Variants in ADGRL3 observed in about 807,000 individuals in gnomAD.
ADGRL3 encodes adhesion G protein-coupled receptor L3.
ADGRL3 carries 62 observed loss-of-function variants against 153.5 expected under a neutral mutation model. The ratio of observed to expected loss-of-function variants is 0.40; its 90% CI spans 0.33 to 0.50. ADGRL3 has a LOEUF of 0.50. ADGRL3 is among the 20% of genes least tolerant of loss of function. The pLI, the probability that ADGRL3 is intolerant of heterozygous loss-of-function variation, is 0.47. For synonymous variants in ADGRL3, 710 were observed against 672.5 expected, an observed-to-expected ratio of 1.06 and a Z score of -0.86; for missense variants, 1,641 against 1,859.4, an observed-to-expected ratio of 0.88 and a Z score of 2.16.
At chr4:61,590,365 AT>A (rs796730066) in intron 5 of ADGRL3, among the ~76,000 whole-genome samples, 10 of 152,054 alleles carry the variant, frequency 6.6e-5, no homozygotes, top group African/African-American at 2.4e-4. Flanking sequence ...TTTTTTATAT[AT>A]TTTAGAGAGT....
intron 1 of ADGRL3, among the ~76,000 whole-genome samples, chr4:61,376,428 C>G (rs113552476): frequency 4.7e-4 from 71 of 151,666 alleles, no homozygotes; most frequent in African/African-American, 1.6e-3. Context: ...AAAGCTATTT[C>G]TTAATCAGAG....
At chr4:61,476,151 CT>C (rs1379304118) in intron 2 of ADGRL3, among the ~76,000 whole-genome samples, 1 of 152,156 alleles carries the variant, frequency 6.6e-6, no homozygotes, top group Admixed American at 6.5e-5. Flanking sequence ...ATTCTTTCTA[CT>C]GTTTCTTACC....
At chr4:61,305,263 T>A (rs1215199248) in intron 1 of ADGRL3, among the ~76,000 whole-genome samples, 1 of 152,172 alleles carries the variant, frequency 6.6e-6, no homozygotes, top group African/African-American at 2.4e-5. Flanking sequence ...CTTGGAAGAA[T>A]GAATTTCAGT....
chr4:61,342,221 A>C (rs1017901188), intron 1 of ADGRL3, among the ~76,000 whole-genome samples: 1 of 152,102 alleles, frequency 6.6e-6, no homozygotes, highest in Non-Finnish European at 1.5e-5. Flanking sequence ...CCTTATGTGT[A>C]TAGGCATTTC....
intron 2 of ADGRL3, among the ~76,000 whole-genome samples, chr4:61,436,607 A>G (rs974447035): frequency 5.3e-5 from 8 of 152,190 alleles, no homozygotes; most frequent in African/African-American, 1.7e-4. Context: ...AGAGGAAAGA[A>G]GTAAATACCA....
In ADGRL3 at chr4:61,959,032, A is replaced by G. The variant is rs376430269; in HGVS notation, c.2805+10756A>G. ...AACCATTATAAAATTTAGGTAATGTAATTGTATACTTAACTGAGTTATAGT... is the reference window on the plus strand; with the variant it reads ...AACCATTATAAAATTTAGGTAATGTGATTGTATACTTAACTGAGTTATAGT... On this transcript the variant is annotated intron_variant, in intron 17 of 26. Transcript: ENST00000683033. 7.2e-5 allele frequency among the ~76,000 whole-genome samples: 11 copies of G among 152,288 alleles called. No homozygotes were observed. In the East Asian group the frequency reaches 2.1e-3, roughly 29 times the overall value.
intron 1 of ADGRL3, among the ~76,000 whole-genome samples, chr4:61,300,567 G>C (rs1475441987): frequency 6.6e-6 from 1 of 152,036 alleles, no homozygotes; most frequent in Non-Finnish European, 1.5e-5. Context: ...GAAAAGAAAT[G>C]CTCAGAAAAT....
intron 2 of ADGRL3, among the ~76,000 whole-genome samples, chr4:61,468,297 TACC>T (rs1261044418): frequency 3.9e-5 from 6 of 152,130 alleles, no homozygotes; most frequent in Non-Finnish European, 7.4e-5. Flanking sequence ...GGCTTATAAA[TACC>T]AGGTAGCTCA....
At chr4:61,907,992 A>T (rs2098704109) in intron 11 of ADGRL3, among the ~76,000 whole-genome samples, 1 of 152,188 alleles carries the variant, frequency 6.6e-6, no homozygotes, top group Non-Finnish European at 1.5e-5. Context: ...GGACAGGTTA[A>T]AGTTTGAAAA....
chr4:61,434,505 G>C (rs1342548291), intron 2 of ADGRL3, among the ~76,000 whole-genome samples: 1 of 152,070 alleles, frequency 6.6e-6, no homozygotes, highest in African/African-American at 2.4e-5. Flanking sequence ...TGCTAAAAAT[G>C]AAATGATATT....
At chr4:61,910,492 AATAAT>A (rs2098717141) in intron 12 of ADGRL3, among the ~76,000 whole-genome samples, 3 of 150,386 alleles carry the variant, frequency 2.0e-5, no homozygotes, top group Admixed American at 6.6e-5. Flanking sequence ...TATATTTATA[AATAAT>A]ATAATTTATT....
intron 1 of ADGRL3, among the ~76,000 whole-genome samples, chr4:61,210,505 G>A (rs765058058): frequency 1.5e-3 from 224 of 151,528 alleles, no homozygotes; most frequent in Non-Finnish European, 2.6e-3. Context: ...CTGTAAGAGG[G>A]TTTTCAACAG....
chr4:61,853,533 A>G (rs2098231212), intron 9 of ADGRL3, among the ~76,000 whole-genome samples: 1 of 152,144 alleles, frequency 6.6e-6, no homozygotes, highest in Admixed American at 6.5e-5. Flanking sequence ...CTATGAAAAT[A>G]CTTGGAAAAA....
chr4:61,519,066 T>G (rs981472189), intron 4 of ADGRL3, among the ~76,000 whole-genome samples: 3 of 152,076 alleles, frequency 2.0e-5, no homozygotes, highest in Non-Finnish European at 4.4e-5. Flanking sequence ...TAAGAAGAAA[T>G]ACAGAAATAA....
At chr4:61,583,152 C>T (rs764829102) in intron 4 of ADGRL3, among the ~76,000 whole-genome samples, 1 of 151,986 alleles carries the variant, frequency 6.6e-6, no homozygotes, top group Admixed American at 6.6e-5. Flanking sequence ...AATTTCATGT[C>T]TGAAGTAATA....
At chr4:61,807,213 A>G (rs71608807) in intron 8 of ADGRL3, among the ~76,000 whole-genome samples, 16 of 152,270 alleles carry the variant, frequency 1.1e-4, no homozygotes, top group Admixed American at 4.6e-4. Context: ...GTCCAAATGA[A>G]TAAATTAGTA....
chr4:61,752,486 A>C (rs2096769261), intron 8 of ADGRL3, among the ~76,000 whole-genome samples: 1 of 149,302 alleles, frequency 6.7e-6, no homozygotes, highest in African/African-American at 2.6e-5. Context: ...CTGTTCATTC[A>C]GATTTCTCTG....
At chr4:61,851,004 TAA>T (rs2098195858) in intron 9 of ADGRL3, among the ~76,000 whole-genome samples, 1 of 152,166 alleles carries the variant, frequency 6.6e-6, no homozygotes, top group African/African-American at 2.4e-5. Context: ...TAAAAGTGAA[TAA>T]AAAAGTGAAC....
chr4:62,005,581 G>A (rs1240261274), intron 21 of ADGRL3, among the ~76,000 whole-genome samples: 1 of 151,992 alleles, frequency 6.6e-6, no homozygotes, highest in Non-Finnish European at 1.5e-5. Flanking sequence ...AAAATTAGCA[G>A]GTTCTCTGTT....
Sources: allele counts gnomAD v4.1 joint callset (sites outside exome capture counted in the v4.1 genomes callset), GRCh38; gene constraint gnomAD v4.1.1; transcripts MANE v1.5; gene names NCBI Gene and HGNC (gene_info 2026-07-23, HGNC 2026-07-21).